Variants in ARMC2 observed in about 807,000 individuals in gnomAD.
ARMC2 encodes the protein armadillo repeat containing 2, also known as armadillo repeat-containing protein 2.
A neutral mutation model predicts 90.3 loss-of-function variants in ARMC2; 67 were observed. That is an observed-to-expected ratio of 0.74 (90% CI 0.61 to 0.91). The LOEUF (loss-of-function observed/expected upper bound fraction) is 0.91, where lower values mean the gene tolerates loss of function less well. ARMC2 is among the 40% of genes least tolerant of loss of function. The probability of loss-of-function intolerance (pLI) is 0.00; values close to 1 mark genes in which losing one functional copy is unlikely to be tolerated. For synonymous variants in ARMC2, 393 were observed against 393.0 expected, an observed-to-expected ratio of 1.00 and a Z score of 0.00; for missense variants, 920 against 1,030.9, an observed-to-expected ratio of 0.89 and a Z score of 1.47.
intron 10 of ARMC2, chr6:108,924,094 A>G (rs1170137416): frequency 6.6e-6 from 1 of 152,468 alleles, no homozygotes; most frequent in African/African-American, 2.4e-5. Flanking sequence ...ACAAGTGACA[A>G]TGCTTCTGTG....
intron 12 of ARMC2, among the ~76,000 whole-genome samples, chr6:108,948,609 T>A (rs527353658): frequency 6.7e-6 from 1 of 150,372 alleles, no homozygotes; most frequent in Admixed American, 6.7e-5. Context: ...AACCACCCCC[T>A]CCTTTTCCAT....
At chr6:108,937,176 A>G (rs1322011376) in intron 12 of ARMC2, among the ~76,000 whole-genome samples, 177 bp downstream of exon 12, 1 of 152,220 alleles carries the variant, frequency 6.6e-6, no homozygotes, top group Non-Finnish European at 1.5e-5. Flanking sequence ...AAGGAGTTAT[A>G]TGAGTCAGAA....
chr6:108,855,402 C>G (rs951414969), intron 2 of ARMC2, among the ~76,000 whole-genome samples: 1 of 152,058 alleles, frequency 6.6e-6, no homozygotes, highest in African/African-American at 2.4e-5. Flanking sequence ...GCGCCCGCCA[C>G]CAAACCCAGC....
At chr6:109,018,419 C>A in the ARMC2 span, among the ~76,000 whole-genome samples, 2 of 152,146 alleles carry the variant, frequency 1.3e-5, no homozygotes, top group African/African-American at 4.8e-5. Flanking sequence ...AAAATTAATG[C>A]GTGTCTACAT....
At chr6:108,888,439 A>G (rs893957431) in intron 5 of ARMC2, among the ~76,000 whole-genome samples, 10 of 152,326 alleles carry the variant, frequency 6.6e-5, no homozygotes, top group South Asian at 4.1e-4. Context: ...GATTTAAACC[A>G]TAGGAGATGA....
At chr6:109,031,272 G>A in the ARMC2 span, among the ~76,000 whole-genome samples, 1 of 152,156 alleles carries the variant, frequency 6.6e-6, no homozygotes, top group African/African-American at 2.4e-5. Flanking sequence ...ACTGCAGGGG[G>A]TAATAAAGGA....
the ARMC2 span, among the ~76,000 whole-genome samples, chr6:109,034,719 T>C: frequency 6.6e-6 from 1 of 152,184 alleles, no homozygotes; most frequent in Non-Finnish European, 1.5e-5. Flanking sequence ...TGAGAAAGCA[T>C]ATGCTTATTC....
chr6:108,911,111 A>C, intron 9 of ARMC2, 110 bp downstream of exon 9: 3 of 700,372 alleles, frequency 4.3e-6, no homozygotes, highest in Non-Finnish European at 7.0e-6. Flanking sequence ...TGTTTTCTAG[A>C]AACATGCAGA....
chr6:109,002,234 C>T, the ARMC2 span: 10 of 1,558,884 alleles, frequency 6.4e-6, 1 homozygote, highest in South Asian at 8.9e-5. Context: ...AAAGCTCTTC[C>T]TTAAAAGCAT....
downstream of ARMC2, among the ~76,000 whole-genome samples, chr6:108,978,121 C>G (rs1315407051): frequency 2.0e-5 from 3 of 152,144 alleles, no homozygotes; most frequent in African/African-American, 4.8e-5. Context: ...TTCCTGCTTT[C>G]TCTTGTGGGC....
At chr6:108,953,439 T>C in intron 13 of ARMC2, 88 bp downstream of exon 13, 1 of 1,334,690 alleles carries the variant, frequency 7.5e-7, no homozygotes, top group Non-Finnish European at 1.0e-6. Context: ...GTGATGAGGA[T>C]TTTATTATCA....
At chr6:109,019,088 C>T in the ARMC2 span, among the ~76,000 whole-genome samples, 17,140 of 152,148 alleles carry the variant, frequency 0.11, 1,068 homozygotes, top group Middle Eastern at 0.19. Flanking sequence ...TTAAATAATT[C>T]ATTGATAAAA....
At chr6:109,009,140 C>T in the ARMC2 span, among the ~76,000 whole-genome samples, 1 of 152,234 alleles carries the variant, frequency 6.6e-6, no homozygotes, top group Admixed American at 6.5e-5. Context: ...TCACGGTGCG[C>T]AGGTCTCCCA....
the ARMC2 span, among the ~76,000 whole-genome samples, chr6:109,008,219 A>G: frequency 5.3e-5 from 8 of 152,352 alleles, no homozygotes; most frequent in East Asian, 1.5e-3. Flanking sequence ...CATCAGCAGA[A>G]ATAACAGATC....
At chr6:108,894,682 C>T (rs1213820852) in intron 6 of ARMC2, 139 bp downstream of exon 6, 1 of 580,784 alleles carries the variant, frequency 1.7e-6, no homozygotes, top group Admixed American at 4.1e-5. Context: ...TATTTTTATA[C>T]ATTTTTATTA....
the ARMC2 span, among the ~76,000 whole-genome samples, chr6:109,022,797 A>C: frequency 6.6e-6 from 1 of 152,124 alleles, no homozygotes; most frequent in Non-Finnish European, 1.5e-5. Context: ...GAAATGGGAA[A>C]CTCAGAGAGG....
At chr6:108,903,509 A>G (rs1413794626) in intron 7 of ARMC2, among the ~76,000 whole-genome samples, 2 of 152,160 alleles carry the variant, frequency 1.3e-5, no homozygotes, top group African/African-American at 4.8e-5. Flanking sequence ...TCATAGGAAA[A>G]TACTGATCAT....
chr6:109,009,544 A>G, the ARMC2 span: 1 of 1,063,808 alleles, frequency 9.4e-7, no homozygotes, highest in Non-Finnish European at 1.1e-6. Flanking sequence ...CGCCTCAGTC[A>G]GCACGGACGG....
intron 17 of ARMC2, among the ~76,000 whole-genome samples, chr6:108,970,267 C>CT (rs1778671714): frequency 6.6e-6 from 1 of 152,038 alleles, no homozygotes; most frequent in Admixed American, 6.6e-5. Flanking sequence ...GGTGGATTAA[C>CT]TATAGGCTGG....
Sources: allele counts gnomAD v4.1 joint callset (sites outside exome capture counted in the v4.1 genomes callset), GRCh38; gene constraint gnomAD v4.1.1; transcripts MANE v1.5; gene names NCBI Gene and HGNC (gene_info 2026-07-23, HGNC 2026-07-21).